GTPBP8: variants seen among roughly 807,000 people sequenced by gnomAD.
The protein encoded by GTPBP8 is GTP binding protein 8.
Under a neutral mutation model 27.3 loss-of-function variants are expected in GTPBP8, and 21 were observed. The observed-to-expected ratio is 0.77, with a 90% CI of 0.55 to 1.11. The LOEUF is 1.11. GTPBP8 is among the 50% of genes least tolerant of loss of function. The probability of loss-of-function intolerance (pLI) is 0.00; values close to 1 mark genes in which losing one functional copy is unlikely to be tolerated. For missense variants in GTPBP8, 380 were observed against 350.8 expected, an observed-to-expected ratio of 1.08 and a Z score of -0.67; for synonymous variants, 147 against 135.3, an observed-to-expected ratio of 1.09 and a Z score of -0.60.
rs1933906445 is a variant in GTPBP8 at position 113,001,318 on chromosome 3, CT to C, written c.*403del. 6.5e-6 allele frequency: 1 copy of C among 153,548 alleles called. No individual in the cohort carries two copies. 9.5% of individuals were successfully genotyped at this position (153,548 alleles called of 1,614,324 possible). A position where few individuals can be genotyped will look rare whatever the true frequency, so the allele number is the denominator to read the frequency against. On this transcript the variant is annotated 3_prime_UTR_variant, in exon 6 of 6. Transcript: ENST00000383678. ...AAATGGGCTAGGTAAAAGGGGGCTG[CT>C]TTTCTGTTAAGCATCGATAGGTAAG...
At chr3:112,991,393 C>T (rs764354852) in intron 1 of GTPBP8, 58 bp downstream of exon 1, 10 of 1,493,964 alleles carry the variant, frequency 6.7e-6, no homozygotes, top group Non-Finnish European at 9.3e-6. Flanking sequence ...TAACCGCTTC[C>T]CTGGCCGTCC....
intron 4 of GTPBP8, among the ~76,000 whole-genome samples, chr3:112,998,359 A>G (rs929309009): frequency 1.3e-5 from 2 of 152,214 alleles, no homozygotes; most frequent in Non-Finnish European, 2.9e-5. Context: ...AGTGGCTCAC[A>G]GAACTCAGGG....
At chr3:112,997,598 T>TA (rs1419311043) in intron 4 of GTPBP8, among the ~76,000 whole-genome samples, 13 of 152,236 alleles carry the variant, frequency 8.5e-5, no homozygotes, top group Non-Finnish European at 1.9e-4. Context: ...ATGGCACTCT[T>TA]AAAGTTTCTT....
At chr3:113,000,634 T>G (rs1933878145) in intron 5 of GTPBP8, among the ~76,000 whole-genome samples, 1 of 152,178 alleles carries the variant, frequency 6.6e-6, no homozygotes, top group Non-Finnish European at 1.5e-5. Flanking sequence ...AGTGAAATTT[T>G]TGGAATCATG....
At chr3:112,997,885 G>C (rs1933815082) in intron 4 of GTPBP8, among the ~76,000 whole-genome samples, 1 of 152,136 alleles carries the variant, frequency 6.6e-6, no homozygotes, top group African/African-American at 2.4e-5. Flanking sequence ...TGGTATCGCA[G>C]ATACTAGTTT....
intron 5 of GTPBP8, among the ~76,000 whole-genome samples, chr3:113,000,438 C>T (rs917277995): frequency 7.2e-5 from 11 of 152,142 alleles, no homozygotes; most frequent in African/African-American, 1.9e-4. Flanking sequence ...GATCTCCATA[C>T]GGACGGACAG....
rs73857316 is a variant in GTPBP8 at position 112,999,349 on chromosome 3, C to T, written c.667-97C>T. 4.5e-3 allele frequency: 2,367 copies of T among 521,054 alleles called. 48 individuals are homozygous for T. The highest frequency in any genetic ancestry group is 0.041 in the African/African-American group (2,088 of 51,062). 32.3% of individuals were successfully genotyped at this position (521,054 alleles called of 1,614,324 possible). A position where few individuals can be genotyped will look rare whatever the true frequency, so the allele number is the denominator to read the frequency against. ...AAATAGGTACAGAGATAAATTTGCA[C>T]GGGTCACCTAGTTGTAAATGAAAAA... On this transcript the variant is annotated intron_variant, in intron 4 of 5. Coordinates refer to ENST00000383678, the MANE Select transcript of GTPBP8 (RefSeq NM_014170.4).
chr3:112,999,687 G>A, intron 5 of GTPBP8, 123 bp downstream of exon 5: 1 of 591,960 alleles, frequency 1.7e-6, no homozygotes, highest in East Asian at 2.7e-5. Flanking sequence ...AAGTTCTTTA[G>A]TGGTTATTTA....
Position 112,996,942 on chromosome 3 carries a change from C to A in GTPBP8, c.617C>A (p.Thr206Lys). 1 of 1,582,272 alleles carries A rather than the reference C, an allele frequency of 6.3e-7. No homozygotes were observed. The highest frequency in any genetic ancestry group is 1.1e-5 in the South Asian group (1 of 89,928). ...GATAGCGTTGTTGGAATTCAAAAAA[C>A]AGACAATATTGCCATAGAAATGTGT... ...LVDSVVGIQKTDNIAIEMCEE... is the reference protein window; with the variant it reads ...LVDSVVGIQKKDNIAIEMCEE... The change falls in exon 4 of 6, where the codon ACA becomes AAA. Residue 206 changes from threonine to lysine, a missense_variant. Transcript: ENST00000383678.
rs770378287 is a variant in GTPBP8, at chr3:112,993,050, G to A, written c.361G>A (p.Val121Ile). The A allele has an allele frequency of 1.2e-6, 2 of 1,609,202 alleles. No homozygotes were observed. Residue 121 changes from valine (V) to isoleucine (I), a missense_variant, in exon 2 of 6, where the codon GTT becomes ATT. Transcript: ENST00000383678. ...GGTGTGTTTTATAGGCAGAAGCAAT[G>A]TTGGAAAATCATCTCTAATCAAGGC... ...PEVCFIGRSN[V>I]GKSSLIKALF...
intron 1 of GTPBP8, chr3:112,992,668 C>T (rs1933705915): frequency 1.2e-5 from 2 of 167,990 alleles, no homozygotes; most frequent in South Asian, 3.8e-4. Flanking sequence ...CTCTAAAAAG[C>T]TTTGTAAATA....
In GTPBP8 at chr3:112,999,449, G is replaced by C. The variant is rs1014435235; in HGVS notation, c.670G>C (p.Val224Leu). The C allele has an allele frequency of 7.9e-7, 1 of 1,271,762 alleles. No individual in the cohort carries two copies. Among genetic ancestry groups the C allele is most frequent in the Admixed American group, 2.0e-5 (1 of 49,604 alleles). The allele number at this position is 1,271,762 out of a possible 1,614,324, so 78.8% of individuals were successfully genotyped here. ...CEEFALPYVIVLTKIDKSSKG... is the reference protein window; with the variant it reads ...CEEFALPYVILLTKIDKSSKG... ...ATAAAAATTTGTTTTCTTATAGATTGTATTAACAAAAATTGACAAATCTTC... is the reference window on the plus strand; with the variant it reads ...ATAAAAATTTGTTTTCTTATAGATTCTATTAACAAAAATTGACAAATCTTC... Residue 224 changes from valine (V) to leucine (L), a missense_variant, in exon 5 of 6, where the codon GTA becomes CTA. Transcript: ENST00000383678.
intron 5 of GTPBP8, among the ~76,000 whole-genome samples, chr3:112,999,917 C>G (rs1933859548): frequency 6.6e-6 from 1 of 152,184 alleles, no homozygotes; most frequent in Admixed American, 6.5e-5. Context: ...TGGTCTCCAC[C>G]TCCATCCAGG....
intron 3 of GTPBP8, among the ~76,000 whole-genome samples, chr3:112,995,539 TTTTTC>T (rs985440811): frequency 6.6e-6 from 1 of 152,050 alleles, no homozygotes; most frequent in African/African-American, 2.4e-5. Context: ...CAGCATTTTT[TTTTTC>T]ATTTTTTTTT....
In GTPBP8 at chr3:113,000,901, A is replaced by C; in HGVS notation, c.837A>C (p.Val279=). ...TGTTGAGATGCTTTATAGCCAGTGT[A>C]ACAGGAAGTCTTGACTAATGGTTCC... ...IHLLRCFIAS[V]TGSLD The change falls in exon 6 of 6, where the codon GTA becomes GTC. Residue 279 remains valine (V), a synonymous_variant. Transcript: ENST00000383678. The C allele has an allele frequency of 6.3e-7, 1 of 1,590,076 alleles. No individual in the cohort carries two copies. The highest frequency in any genetic ancestry group is 8.6e-7 in the Non-Finnish European group (1 of 1,160,548).
At chr3:112,997,582 G>GA (rs1933809793) in intron 4 of GTPBP8, among the ~76,000 whole-genome samples, 1 of 152,064 alleles carries the variant, frequency 6.6e-6, no homozygotes, top group Admixed American at 6.5e-5. Flanking sequence ...GAGACTTCCA[G>GA]AAAAAATGGC....
rs747012474 is a variant in GTPBP8 at position 112,990,993 on chromosome 3, AG to A, written c.-4del. 37 of 1,583,352 alleles carry A rather than the reference AG, an allele frequency of 2.3e-5. No homozygotes were observed. The South Asian group carries it at 3.9e-4, about 16-fold the overall frequency. ...AAATCTCTCTGCCCGTCTTCTGGGA[AG>A]GGAGAATGGCGGCGCCCGGGCTGCG... is the stretch of plus-strand genomic sequence containing the variant. On this transcript the variant is annotated 5_prime_UTR_variant, in exon 1 of 6. Transcript: ENST00000383678.
Position 112,995,126 on chromosome 3 carries a change from C to T in GTPBP8, c.436-9C>T. ...AAGACAGCTTTTCTTTTTCTATTTA[C>T]TTTATCAGGGACACACAAAGAAAAT... On this transcript the variant is annotated splice_polypyrimidine_tract_variant and intron_variant, in intron 2 of 5. Coordinates refer to ENST00000383678, the MANE Select transcript of GTPBP8 (RefSeq NM_014170.4). The T allele has an allele frequency of 1.3e-6, 2 of 1,570,008 alleles. No individual in the cohort carries two copies. The highest frequency in any genetic ancestry group is 1.7e-6 in the Non-Finnish European group (2 of 1,158,256).
chr3:112,999,845 A>G (rs1208399081), intron 5 of GTPBP8, among the ~76,000 whole-genome samples: 1 of 152,112 alleles, frequency 6.6e-6, no homozygotes, highest in Non-Finnish European at 1.5e-5. Context: ...CTTAGCTCCC[A>G]CTTCTAAGTG....
Sources: allele counts gnomAD v4.1 joint callset (sites outside exome capture counted in the v4.1 genomes callset), GRCh38; gene constraint gnomAD v4.1.1; transcripts MANE v1.5; gene names NCBI Gene and HGNC (gene_info 2026-07-23, HGNC 2026-07-21).